Variants in TMEM132D observed in about 807,000 individuals in gnomAD.
TMEM132D encodes transmembrane protein 132D.
TMEM132D carries 21 observed loss-of-function variants against 62.3 expected under a neutral mutation model. That is an observed-to-expected ratio of 0.34 (90% CI 0.24 to 0.49). The LOEUF (loss-of-function observed/expected upper bound fraction) is 0.49. TMEM132D is among the 20% of genes least tolerant of loss of function. The pLI is 0.99. For missense variants in TMEM132D, 1,346 were observed against 1,402.8 expected (o/e 0.96, Z 0.65); for synonymous variants, 621 against 575.6 (o/e 1.08, Z -1.13).
At chr12:129,207,518 G>T (rs1009204582) in intron 5 of TMEM132D, among the ~76,000 whole-genome samples, 2 of 152,192 alleles carry the variant, frequency 1.3e-5, no homozygotes, top group Non-Finnish European at 2.9e-5. Flanking sequence ...AGGCCTTGGG[G>T]AGAAGATGAG....
intron 5 of TMEM132D, among the ~76,000 whole-genome samples, chr12:129,122,177 A>G (rs1876086302): frequency 6.6e-6 from 1 of 152,218 alleles, no homozygotes; most frequent in Non-Finnish European, 1.5e-5. Flanking sequence ...TAAATTTAGC[A>G]TGTGGGCCAC....
intron 1 of TMEM132D, among the ~76,000 whole-genome samples, chr12:129,721,095 T>C (rs774788680): frequency 1.3e-5 from 2 of 152,004 alleles, no homozygotes; most frequent in African/African-American, 4.8e-5. Flanking sequence ...TCAGTTAGGA[T>C]AGGTATTGGG....
At chr12:129,196,873 C>T (rs2135559104) in intron 5 of TMEM132D, among the ~76,000 whole-genome samples, 1 of 152,214 alleles carries the variant, frequency 6.6e-6, no homozygotes, top group South Asian at 2.1e-4. Context: ...GAGATTAATG[C>T]CTAATCCAAT....
chr12:129,841,604 C>T (rs1164503437), intron 1 of TMEM132D, among the ~76,000 whole-genome samples: 2 of 152,154 alleles, frequency 1.3e-5, no homozygotes, highest in Non-Finnish European at 2.9e-5. Context: ...TAAACTCTTT[C>T]TTAAACTTTT....
chr12:129,550,542 G>C (rs1266748944), intron 2 of TMEM132D, among the ~76,000 whole-genome samples: 1 of 152,150 alleles, frequency 6.6e-6, no homozygotes, highest in Non-Finnish European at 1.5e-5. Flanking sequence ...GCGGTGATTT[G>C]TCAGAAGCCA....
At position 129,700,136 on chromosome 12, in the gene TMEM132D, C is replaced by T. The variant is rs1881347255; in HGVS notation, c.642G>A (p.Lys214=). Residue 214 remains lysine (K), a synonymous_variant, in exon 2 of 9, where the codon AAG becomes AAA. Transcript: ENST00000422113. ...SPPTVVAGRR[K]SVDQPEGTPV... ...GGGTCCCCTCCGGCTGGTCCACGGACTTCCTCCTCCCGGCAACCACCGTGG... is the reference window on the plus strand; with the variant it reads ...GGGTCCCCTCCGGCTGGTCCACGGATTTCCTCCTCCCGGCAACCACCGTGG... 6.2e-7 allele frequency: 1 copy of T among 1,613,020 alleles called. No homozygotes were observed. The highest frequency in any genetic ancestry group is 1.3e-5 in the African/African-American group (1 of 74,872).
intron 3 of TMEM132D, among the ~76,000 whole-genome samples, chr12:129,391,888 C>G (rs1871299634): frequency 6.6e-6 from 1 of 151,548 alleles, no homozygotes; most frequent in African/African-American, 2.4e-5. Flanking sequence ...TCCCGAGTAT[C>G]TGGGATTACA....
chr12:129,407,410 C>G (rs1871824921), intron 3 of TMEM132D, among the ~76,000 whole-genome samples: 1 of 152,102 alleles, frequency 6.6e-6, no homozygotes, highest in African/African-American at 2.4e-5. Flanking sequence ...TCTGGGAAGC[C>G]TAGAGGAAAA....
intron 3 of TMEM132D, among the ~76,000 whole-genome samples, chr12:129,377,289 G>T (rs545260764): frequency 6.6e-6 from 1 of 152,216 alleles, no homozygotes; most frequent in East Asian, 1.9e-4. Flanking sequence ...CTCCAGAACT[G>T]TGAGAAAATA....
intron 1 of TMEM132D, among the ~76,000 whole-genome samples, chr12:129,744,992 T>C (rs1007185531): frequency 1.3e-5 from 2 of 152,116 alleles, no homozygotes; most frequent in African/African-American, 4.8e-5. Flanking sequence ...GAGTGAATTC[T>C]CATGAGATCT....
At position 129,677,190 on chromosome 12, in the gene TMEM132D, C is replaced by G. The variant is rs145055970; in HGVS notation, c.968+22620G>C. On this transcript the variant is annotated intron_variant, in intron 2 of 8. Transcript: ENST00000422113. ...CAATTCCCACATGTCATGAGAGGAA[C>G]CTGGTGGGAGGTGAATGAATTATTG... Among the ~76,000 whole-genome samples the G allele has an allele frequency of 1.2e-3, 178 of 152,270 alleles. 1 individual carries two copies. Among genetic ancestry groups the G allele is most frequent in the Admixed American group, 2.0e-3 (30 of 15,302 alleles).
At chr12:129,508,474 CCTTCT>C (rs920971703) in intron 3 of TMEM132D, among the ~76,000 whole-genome samples, 1 of 152,166 alleles carries the variant, frequency 6.6e-6, no homozygotes, top group African/African-American at 2.4e-5. Context: ...TTGCTCTTCT[CCTTCT>C]CTTCCTCTTC....
chr12:129,514,643 G>A (rs1021681112), intron 3 of TMEM132D, among the ~76,000 whole-genome samples: 5 of 152,080 alleles, frequency 3.3e-5, no homozygotes, highest in Non-Finnish European at 7.3e-5. Flanking sequence ...GCATCCTTAG[G>A]GCCTAACAAA....
At chr12:129,886,348 T>C (rs1874747681) in intron 1 of TMEM132D, among the ~76,000 whole-genome samples, 2 of 152,040 alleles carry the variant, frequency 1.3e-5, no homozygotes, top group South Asian at 4.1e-4. Context: ...TATTGTAAAA[T>C]CAAAGAACTG....
rs185074896 is a variant in TMEM132D at position 129,469,162 on chromosome 12, T to C, written c.1115+61897A>G. Among the ~76,000 whole-genome samples the C allele has an allele frequency of 6.4e-3, 978 of 152,312 alleles. 12 individuals are homozygous for C. The highest frequency in any genetic ancestry group is 0.022 in the African/African-American group (900 of 41,564). On this transcript the variant is annotated intron_variant, in intron 3 of 8. Coordinates refer to ENST00000422113, the MANE Select transcript of TMEM132D (RefSeq NM_133448.3). ...TGCCTCAAAAGTCTCTACTACCTGC[T>C]CAATAAATCAGAAAGCAAGAGTGAC...
At chr12:129,362,207 A>AT in intron 3 of TMEM132D, among the ~76,000 whole-genome samples, 1 of 152,070 alleles carries the variant, frequency 6.6e-6, no homozygotes, top group Non-Finnish European at 1.5e-5. Context: ...TCCTGTTTTT[A>AT]TTACACTCTT....
At chr12:129,743,280 G>A (rs1487159300) in intron 1 of TMEM132D, among the ~76,000 whole-genome samples, 2 of 152,178 alleles carry the variant, frequency 1.3e-5, no homozygotes, top group Non-Finnish European at 2.9e-5. Flanking sequence ...TTGAATTGCA[G>A]TTCCCATACT....
chr12:129,767,566 G>C (rs929475290), intron 1 of TMEM132D, among the ~76,000 whole-genome samples: 1 of 152,154 alleles, frequency 6.6e-6, no homozygotes, highest in Admixed American at 6.5e-5. Flanking sequence ...ATCTCTCCAG[G>C]AGTCTCAAAT....
intron 2 of TMEM132D, among the ~76,000 whole-genome samples, chr12:129,563,460 C>G (rs953215078): frequency 9.2e-5 from 14 of 152,112 alleles, no homozygotes; most frequent in Non-Finnish European, 2.1e-4. Flanking sequence ...CTTAATCTTT[C>G]TAAGAGGGGA....
Sources: gnomAD v4.1 joint callset for allele counts (sites outside exome capture counted in the v4.1 genomes callset) on GRCh38, gnomAD v4.1.1 for gene constraint, MANE v1.5 for transcripts, NCBI Gene and HGNC (gene_info 2026-07-23, HGNC 2026-07-21) for gene names.